Variants in MAP4K3 observed in about 807,000 individuals in gnomAD.
MAP4K3 encodes MAPK/ERK kinase kinase kinase 3.
MAP4K3 carries 94 observed loss-of-function variants against 143.5 expected under a neutral mutation model. That is an observed-to-expected ratio of 0.65 (90% CI 0.55 to 0.78). The LOEUF (loss-of-function observed/expected upper bound fraction) is 0.78, where lower values mean the gene tolerates loss of function less well. MAP4K3 is among the 30% of genes least tolerant of loss of function. The probability of loss-of-function intolerance (pLI) is 0.00; values close to 1 mark genes in which losing one functional copy is unlikely to be tolerated. For synonymous variants in MAP4K3, 416 were observed against 347.2 expected (o/e 1.20, Z -2.20); for missense variants, 1,077 against 1,068.1 (o/e 1.01, Z -0.12).
intron 26 of MAP4K3, 31 bp from the exon 27 acceptor site, chr2:39,267,278 T>C (rs749939647): frequency 4.6e-6 from 7 of 1,535,688 alleles, no homozygotes; most frequent in African/African-American, 2.7e-5. Flanking sequence ...GTACGTAATA[T>C]ATGTAGGCAA....
intron 6 of MAP4K3, among the ~76,000 whole-genome samples, chr2:39,334,284 T>G (rs533197348): frequency 1.3e-5 from 2 of 152,178 alleles, no homozygotes; most frequent in Non-Finnish European, 2.9e-5. Context: ...TTGGAAGAGA[T>G]AGCAATACTA....
intron 8 of MAP4K3, among the ~76,000 whole-genome samples, chr2:39,326,591 T>C (rs1409331693): frequency 6.6e-6 from 1 of 152,104 alleles, no homozygotes; most frequent in South Asian, 2.1e-4. Context: ...TGGGGGACTG[T>C]TGGGAAGGCA....
At chr2:39,307,818 T>G in intron 15 of MAP4K3, 125 bp downstream of exon 15, 1 of 595,802 alleles carries the variant, frequency 1.7e-6, no homozygotes, top group Non-Finnish European at 2.7e-6. Context: ...TCTTAATATA[T>G]AGAAGTTTGC....
At chr2:39,371,342 A>C (rs1666076319) in intron 2 of MAP4K3, among the ~76,000 whole-genome samples, 1 of 152,208 alleles carries the variant, frequency 6.6e-6, no homozygotes, top group African/African-American at 2.4e-5. Flanking sequence ...CCTTATAAGC[A>C]ACAAAGTTAC....
intron 1 of MAP4K3, among the ~76,000 whole-genome samples, chr2:39,393,896 T>A (rs1159362117): frequency 1.3e-5 from 2 of 152,210 alleles, no homozygotes; most frequent in African/African-American, 4.8e-5. Flanking sequence ...TATGTGGACA[T>A]GTGTAGTTCA....
At chr2:39,329,426 T>C (rs1321483363) in intron 8 of MAP4K3, among the ~76,000 whole-genome samples, 1 of 152,106 alleles carries the variant, frequency 6.6e-6, no homozygotes, top group Admixed American at 6.5e-5. Flanking sequence ...GTAAATGATG[T>C]AGCAAACAGG....
intron 12 of MAP4K3, among the ~76,000 whole-genome samples, chr2:39,324,899 A>T (rs1266954727): frequency 1.3e-5 from 2 of 152,242 alleles, no homozygotes; most frequent in Non-Finnish European, 2.9e-5. Flanking sequence ...ACATTTCCAT[A>T]GTGAATAGCT....
intron 6 of MAP4K3, among the ~76,000 whole-genome samples, chr2:39,336,224 C>A (rs1664951406): frequency 6.6e-6 from 1 of 151,992 alleles, no homozygotes; most frequent in African/African-American, 2.4e-5. Flanking sequence ...GTAATCCTGG[C>A]ACTTTTAGGA....
intron 2 of MAP4K3, among the ~76,000 whole-genome samples, chr2:39,374,123 T>C (rs10193807): frequency 0.69 from 105,462 of 152,074 alleles, 40,112 homozygotes; most frequent in Non-Finnish European, 0.84. Flanking sequence ...GGCTCACATC[T>C]GTAATCCCAG....
At chr2:39,397,696 CTA>C (rs1176513448) in intron 1 of MAP4K3, among the ~76,000 whole-genome samples, 2 of 152,088 alleles carry the variant, frequency 1.3e-5, no homozygotes, top group Admixed American at 1.3e-4. Context: ...GAAAACAGCT[CTA>C]ACAATATAAC....
At chr2:39,430,520 AAAAT>A (rs1442798260) in intron 1 of MAP4K3, among the ~76,000 whole-genome samples, 4 of 152,192 alleles carry the variant, frequency 2.6e-5, no homozygotes, top group East Asian at 1.9e-4. Context: ...GTGGTATGAA[AAAAT>A]AAATAAAAAT....
intron 2 of MAP4K3, among the ~76,000 whole-genome samples, chr2:39,369,513 T>C (rs1304627087): frequency 6.6e-6 from 1 of 152,194 alleles, no homozygotes; most frequent in Non-Finnish European, 1.5e-5. Flanking sequence ...TTTCCCACCA[T>C]GCTCACATAG....
chr2:39,282,878 T>C (rs1681598432), intron 21 of MAP4K3, among the ~76,000 whole-genome samples: 1 of 152,238 alleles, frequency 6.6e-6, no homozygotes, highest in Admixed American at 6.5e-5. Context: ...GTGTGTGTGT[T>C]AGGAATTTAA....
intron 8 of MAP4K3, among the ~76,000 whole-genome samples, chr2:39,328,039 A>T (rs1249400554): frequency 6.6e-6 from 1 of 152,238 alleles, no homozygotes; most frequent in Non-Finnish European, 1.5e-5. Flanking sequence ...TTTAAAAGTT[A>T]GCGAATGCTG....
intron 1 of MAP4K3, among the ~76,000 whole-genome samples, chr2:39,388,297 G>A (rs886779084): frequency 1.3e-5 from 2 of 152,126 alleles, no homozygotes; most frequent in African/African-American, 4.8e-5. Context: ...AGTTAGACTA[G>A]ATATAAAATA....
intron 1 of MAP4K3, among the ~76,000 whole-genome samples, chr2:39,382,726 G>A (rs1362590435): frequency 1.3e-5 from 2 of 152,134 alleles, no homozygotes; most frequent in African/African-American, 4.8e-5. Context: ...GATTAAGAAT[G>A]GGACCCAGGA....
At chr2:39,266,523 C>A (rs527725121) in intron 27 of MAP4K3, among the ~76,000 whole-genome samples, 2 of 151,998 alleles carry the variant, frequency 1.3e-5, no homozygotes, top group East Asian at 3.9e-4. Context: ...CATGTTATGT[C>A]ATTTCTTCTG....
At chr2:39,340,663 A>G (rs1328376927) in intron 4 of MAP4K3, among the ~76,000 whole-genome samples, 2 of 152,180 alleles carry the variant, frequency 1.3e-5, no homozygotes, top group Non-Finnish European at 2.9e-5. Context: ...TCACTAAACA[A>G]TCTGAGAATG....
intron 27 of MAP4K3, among the ~76,000 whole-genome samples, chr2:39,266,766 G>C (rs1368635417): frequency 3.3e-5 from 5 of 152,188 alleles, no homozygotes; most frequent in South Asian, 2.1e-4. Context: ...TTATTGGGGT[G>C]GGGGAGGAAT....
Sources: gnomAD v4.1 joint callset for allele counts (sites outside exome capture counted in the v4.1 genomes callset) on GRCh38, gnomAD v4.1.1 for gene constraint, MANE v1.5 for transcripts, NCBI Gene and HGNC (gene_info 2026-07-23, HGNC 2026-07-21) for gene names.